The following SHB variants were observed in gnomAD, a reference collection of about 807,000 sequenced individuals.
SHB encodes the protein SH2 domain-containing adapter protein B.
SHB carries 20 observed loss-of-function variants against 52.3 expected under a neutral mutation model. The ratio of observed to expected loss-of-function variants is 0.38; its 90% CI spans 0.27 to 0.56. SHB has a LOEUF of 0.56. Among genes scored for constraint, SHB ranks in the 20% least tolerant of loss-of-function variants. The probability of loss-of-function intolerance (pLI) is 0.71; values close to 1 mark genes in which losing one functional copy is unlikely to be tolerated. For missense variants in SHB, 825 were observed against 723.3 expected (o/e 1.14, Z -1.61); for synonymous variants, 397 against 316.5 (o/e 1.25, Z -2.70).
At chr9:38,060,901 C>T (rs757579263) in intron 1 of SHB, among the ~76,000 whole-genome samples, 7 of 152,190 alleles carry the variant, frequency 4.6e-5, no homozygotes, top group East Asian at 1.9e-4. Flanking sequence ...TTTTCAGGGG[C>T]GGGCACTATC....
rs113506995 is a variant in SHB, at chr9:37,918,374, CGT to C, written c.*1445_*1446del. 7.2e-6 allele frequency among the ~76,000 whole-genome samples: 1 copy of C among 139,090 alleles called. No individual in the cohort carries two copies. The highest frequency in any genetic ancestry group is 7.2e-5 in the Admixed American group (1 of 13,920). 91.2% of individuals were successfully genotyped at this position (139,090 alleles called of 152,430 possible). On this transcript the variant is annotated 3_prime_UTR_variant, in exon 6 of 6. Transcript: ENST00000377707. ...AAGAGAGAGGTCGCGTGTGCGTGTG[CGT>C]GTGTAGGTGTTCTTGTGTGTGGAAG... is the stretch of plus-strand genomic sequence containing the variant.
intron 1 of SHB, among the ~76,000 whole-genome samples, chr9:38,062,062 G>A (rs1466896602): frequency 3.3e-5 from 5 of 152,196 alleles, no homozygotes; most frequent in Non-Finnish European, 7.3e-5. Context: ...GGCTGAAAGC[G>A]GAGAAATTAC....
rs569759960 is a variant in SHB, at chr9:37,922,461, G to A, written c.1347-2457C>T. ...ACCTTGGCTGCCGACAGATAGCGAG[G>A]TGGGGCAGCTGCCAGGCTGAAGAGA... On this transcript the variant is annotated intron_variant, in intron 5 of 5. Transcript: ENST00000377707. 7.9e-5 allele frequency among the ~76,000 whole-genome samples: 12 copies of A among 152,342 alleles called. 3 individuals are homozygous for A. The highest frequency in any genetic ancestry group is 2.9e-4 in the African/African-American group (12 of 41,574).
chr9:38,035,518 TGA>T (rs1491568720), intron 1 of SHB, among the ~76,000 whole-genome samples: 17 of 151,886 alleles, frequency 1.1e-4, no homozygotes, highest in Admixed American at 7.2e-4. Flanking sequence ...GGCTGCTCAG[TGA>T]GAGAGGTTCT....
intron 1 of SHB, among the ~76,000 whole-genome samples, chr9:38,043,609 G>A (rs1821608343): frequency 6.6e-6 from 1 of 152,190 alleles, no homozygotes; most frequent in African/African-American, 2.4e-5. Flanking sequence ...ATCCACCCTG[G>A]CCGGGTGCAG....
At chr9:37,931,874 TG>T (rs1832314553) in intron 5 of SHB, among the ~76,000 whole-genome samples, 1 of 152,176 alleles carries the variant, frequency 6.6e-6, no homozygotes, top group African/African-American at 2.4e-5. Flanking sequence ...AAAGAAACTG[TG>T]GTGTATGTAT....
chr9:38,063,795 G>GT (rs5897715), intron 1 of SHB, among the ~76,000 whole-genome samples: 21,104 of 129,794 alleles, frequency 0.16, 1,958 homozygotes, highest in African/African-American at 0.28. Context: ...TTTGCTGGAT[G>GT]TTTTTTTTTT....
intron 2 of SHB, among the ~76,000 whole-genome samples, chr9:37,982,975 C>A (rs932124397): frequency 6.7e-6 from 1 of 150,086 alleles, no homozygotes; most frequent in Non-Finnish European, 1.5e-5. Context: ...TCTCTGGTGC[C>A]CCCCCCTCCA....
chr9:37,991,563 G>A (rs753982027), intron 2 of SHB, among the ~76,000 whole-genome samples: 8 of 152,198 alleles, frequency 5.3e-5, no homozygotes, highest in Non-Finnish European at 1.0e-4. Flanking sequence ...ATCCACAGAG[G>A]TACTCGATTA....
At chr9:37,949,316 C>G (rs1166499323) in intron 4 of SHB, among the ~76,000 whole-genome samples, 1 of 148,528 alleles carries the variant, frequency 6.7e-6, no homozygotes, top group Non-Finnish European at 1.5e-5. Context: ...TCACTTGAAC[C>G]TGGGAGGCGG....
chr9:38,044,068 C>G (rs1821614871), intron 1 of SHB, among the ~76,000 whole-genome samples: 2 of 152,250 alleles, frequency 1.3e-5, no homozygotes, highest in African/African-American at 4.8e-5. Context: ...CTCTAACCTG[C>G]CACTGCACAT....
At chr9:37,926,298 T>C (rs1008643871) in intron 5 of SHB, among the ~76,000 whole-genome samples, 3 of 150,946 alleles carry the variant, frequency 2.0e-5, no homozygotes, top group African/African-American at 7.3e-5. Context: ...TCCAGGGAAG[T>C]GGGACATTTT....
chr9:38,040,798 T>C (rs1194591161), intron 1 of SHB, among the ~76,000 whole-genome samples: 2 of 152,122 alleles, frequency 1.3e-5, no homozygotes, highest in South Asian at 4.2e-4. Context: ...TTGAGGGCTC[T>C]AGATGCTAAA....
At chr9:37,923,921 G>A (rs928324748) in intron 5 of SHB, among the ~76,000 whole-genome samples, 2 of 152,186 alleles carry the variant, frequency 1.3e-5, no homozygotes, top group African/African-American at 4.8e-5. Flanking sequence ...CGGGCTCCGA[G>A]CCACATCTCC....
intron 4 of SHB, among the ~76,000 whole-genome samples, chr9:37,955,569 C>T (rs1832619463): frequency 6.6e-6 from 1 of 152,174 alleles, no homozygotes; most frequent in Non-Finnish European, 1.5e-5. Flanking sequence ...CCTCAACCTC[C>T]TGGCCTCAAT....
At chr9:37,933,352 C>G (rs746332880) in intron 5 of SHB, among the ~76,000 whole-genome samples, 4 of 152,198 alleles carry the variant, frequency 2.6e-5, no homozygotes, top group African/African-American at 7.2e-5. Flanking sequence ...CTTGGTTTCC[C>G]CATCTACATG....
chr9:38,067,113 G>C (rs1009235112), intron 1 of SHB, among the ~76,000 whole-genome samples: 15 of 152,186 alleles, frequency 9.9e-5, no homozygotes, highest in African/African-American at 3.6e-4. Flanking sequence ...GAGGAATCTA[G>C]GTGGCCTAAT....
At chr9:38,042,833 C>A (rs1821600352) in intron 1 of SHB, among the ~76,000 whole-genome samples, 1 of 152,178 alleles carries the variant, frequency 6.6e-6, no homozygotes, top group Non-Finnish European at 1.5e-5. Flanking sequence ...CCGCCCCAGG[C>A]CAGGCCAGGC....
At chr9:37,947,317 G>C (rs1033110151) in intron 5 of SHB, among the ~76,000 whole-genome samples, 1 of 152,198 alleles carries the variant, frequency 6.6e-6, no homozygotes, top group Non-Finnish European at 1.5e-5. Context: ...GTGATGACAG[G>C]CTCACTACCT....
Sources: gnomAD v4.1 joint callset for allele counts (sites outside exome capture counted in the v4.1 genomes callset) on GRCh38, gnomAD v4.1.1 for gene constraint, MANE v1.5 for transcripts, NCBI Gene and HGNC (gene_info 2026-07-23, HGNC 2026-07-21) for gene names.